The following ATP8A1 variants were observed in gnomAD, a reference collection of about 807,000 sequenced individuals.
ATP8A1 encodes the protein phospholipid-transporting ATPase IA.
In ATP8A1, 90 loss-of-function variants were observed where a neutral mutation model predicts 177.7. The observed-to-expected ratio is 0.51, with a 90% CI of 0.43 to 0.60. The LOEUF (loss-of-function observed/expected upper bound fraction) is 0.60, where lower values mean the gene tolerates loss of function less well. Among genes scored for constraint, ATP8A1 ranks in the 20% least tolerant of loss-of-function variants. The pLI is 0.00. For synonymous variants in ATP8A1, 493 were observed against 485.9 expected, an observed-to-expected ratio of 1.01 and a Z score of -0.19; for missense variants, 1,072 against 1,392.8, an observed-to-expected ratio of 0.77 and a Z score of 3.67.
In ATP8A1 at chr4:42,524,844, T is replaced by A. The variant is rs937405971; in HGVS notation, c.1726A>T (p.Thr576Ser). 15 of 1,600,432 alleles carry A rather than the reference T, an allele frequency of 9.4e-6. No homozygotes were observed. The highest frequency in any genetic ancestry group is 1.3e-5 in the African/African-American group (1 of 74,640). Residue 576 changes from threonine to serine, a missense_variant, in exon 21 of 37, where the codon ACT becomes TCT. Thr to Ser is a moderately conservative substitution (Grantham distance 58). Coordinates refer to ENST00000381668, the MANE Select transcript of ATP8A1 (RefSeq NM_006095.2). Reference protein sequence around the residue: ...KLRLYCKGADTVIYDRLAETS... With the variant: ...KLRLYCKGADSVIYDRLAETS... ...TCTGCCAGTCGATCATAAATTACAG[T>A]GTCCTGGAAAACAAACAGAGGGTAA...
chr4:42,485,456 C>G, intron 25 of ATP8A1, 40 bp downstream of exon 25: 1 of 1,541,548 alleles, frequency 6.5e-7, no homozygotes, highest in Non-Finnish European at 8.8e-7. Context: ...TAGATCAAGT[C>G]ATTCTTTACT....
intron 16 of ATP8A1, among the ~76,000 whole-genome samples, chr4:42,554,609 C>T (rs567033258): frequency 5.9e-5 from 9 of 152,174 alleles, no homozygotes; most frequent in Non-Finnish European, 2.9e-5. Flanking sequence ...TTGAGGGTAA[C>T]AATCATGAGT....
At position 42,626,925 on chromosome 4, in the gene ATP8A1, G is replaced by A. The variant is rs1738165674; in HGVS notation, c.164+70C>T. 7.5e-6 allele frequency: 9 copies of A among 1,194,618 alleles called. No individual in the cohort carries two copies. In the South Asian group the frequency reaches 1.1e-4, roughly 15 times the overall value. 74.0% of individuals were successfully genotyped at this position (1,194,618 alleles called of 1,614,324 possible). On this transcript the variant is annotated intron_variant, in intron 2 of 36. Transcript: ENST00000381668. ...TGACTGCACTGAAAGCTCTTTGCAA[G>A]CATTTTCATTTTGACCTAACCAGCT...
At chr4:42,560,866 A>G (rs1224735860) in intron 15 of ATP8A1, among the ~76,000 whole-genome samples, 1 of 152,112 alleles carries the variant, frequency 6.6e-6, no homozygotes, top group East Asian at 1.9e-4. Context: ...TTAAAAAACA[A>G]TTGCAAAAAC....
intron 22 of ATP8A1, among the ~76,000 whole-genome samples, 174 bp downstream of exon 22, chr4:42,521,986 T>C (rs1294944762): frequency 6.6e-6 from 1 of 152,204 alleles, no homozygotes; most frequent in Non-Finnish European, 1.5e-5. Context: ...CAAAGGCTTC[T>C]CAGCAATATT....
chr4:42,487,423 CA>C (rs1722304218), intron 24 of ATP8A1, among the ~76,000 whole-genome samples: 1 of 152,106 alleles, frequency 6.6e-6, no homozygotes, highest in Non-Finnish European at 1.5e-5. Context: ...GGTGAAGAAA[CA>C]CAACACTGGC....
intron 27 of ATP8A1, among the ~76,000 whole-genome samples, chr4:42,457,140 A>G (rs879617037): frequency 6.6e-6 from 1 of 152,226 alleles, no homozygotes; most frequent in African/African-American, 2.4e-5. Flanking sequence ...GCTTTGCTAC[A>G]CATATTTATG....
At chr4:42,460,304 G>A (rs113560587) in intron 27 of ATP8A1, among the ~76,000 whole-genome samples, 2 of 150,372 alleles carry the variant, frequency 1.3e-5, no homozygotes, top group South Asian at 2.1e-4. Context: ...AAGTGTCAAC[G>A]TACTGACTTT....
At chr4:42,424,267 G>A (rs1714326415) in intron 33 of ATP8A1, among the ~76,000 whole-genome samples, 1 of 150,788 alleles carries the variant, frequency 6.6e-6, no homozygotes, top group Non-Finnish European at 1.5e-5. Context: ...AGAGCCTTTT[G>A]GGTTGCAAAA....
At chr4:42,435,650 C>T (rs1010157044) in intron 33 of ATP8A1, among the ~76,000 whole-genome samples, 2 of 152,166 alleles carry the variant, frequency 1.3e-5, no homozygotes, top group South Asian at 2.1e-4. Flanking sequence ...CCTCACAGTG[C>T]TCTCTCCAGC....
At chr4:42,438,044 C>T (rs1445877512) in intron 33 of ATP8A1, among the ~76,000 whole-genome samples, 1 of 142,144 alleles carries the variant, frequency 7.0e-6, no homozygotes, top group Non-Finnish European at 1.6e-5. Flanking sequence ...CGATGGGTGG[C>T]ACTGATGCTA....
At chr4:42,533,859 C>T (rs575867462) in intron 20 of ATP8A1, among the ~76,000 whole-genome samples, 9 of 152,178 alleles carry the variant, frequency 5.9e-5, no homozygotes, top group East Asian at 1.9e-4. Flanking sequence ...TTTGTGCAGA[C>T]ACTCCCCAGG....
chr4:42,541,767 G>A (rs1728410629), intron 20 of ATP8A1, among the ~76,000 whole-genome samples: 1 of 152,136 alleles, frequency 6.6e-6, no homozygotes, highest in Admixed American at 6.5e-5. Context: ...GGCCAGTCCA[G>A]AAAGGCTATA....
At chr4:42,484,301 A>C (rs1437173493) in intron 25 of ATP8A1, among the ~76,000 whole-genome samples, 2 of 152,210 alleles carry the variant, frequency 1.3e-5, no homozygotes, top group Non-Finnish European at 2.9e-5. Context: ...TATATTGTCC[A>C]AGAACTTTAT....
At chr4:42,546,190 T>C (rs1474113614) in intron 19 of ATP8A1, among the ~76,000 whole-genome samples, 1 of 152,036 alleles carries the variant, frequency 6.6e-6, no homozygotes, top group African/African-American at 2.4e-5. Flanking sequence ...ATCTGCCTCT[T>C]CTCCTTCTGT....
At chr4:42,473,328 A>G (rs902695215) in intron 25 of ATP8A1, among the ~76,000 whole-genome samples, 4 of 152,166 alleles carry the variant, frequency 2.6e-5, no homozygotes, top group Non-Finnish European at 4.4e-5. Flanking sequence ...GACAGCCTAT[A>G]TGATAGTAGT....
At chr4:42,498,942 T>G (rs1186362374) in intron 24 of ATP8A1, among the ~76,000 whole-genome samples, 1 of 152,214 alleles carries the variant, frequency 6.6e-6, no homozygotes, top group Non-Finnish European at 1.5e-5. Context: ...AGATTCTTTA[T>G]CTGTAAAATG....
At chr4:42,489,049 A>C (rs538109730) in intron 24 of ATP8A1, among the ~76,000 whole-genome samples, 1 of 152,306 alleles carries the variant, frequency 6.6e-6, no homozygotes, top group South Asian at 2.1e-4. Context: ...AGAGACACAC[A>C]CAGAGAGAGG....
chr4:42,623,736 A>G (rs1218998075), intron 4 of ATP8A1, among the ~76,000 whole-genome samples: 1 of 152,144 alleles, frequency 6.6e-6, no homozygotes, highest in Non-Finnish European at 1.5e-5. Flanking sequence ...AGGAAAAATA[A>G]CTAAAAGTAA....
Sources: allele counts gnomAD v4.1 joint callset (sites outside exome capture counted in the v4.1 genomes callset), GRCh38; gene constraint gnomAD v4.1.1; transcripts MANE v1.5; gene names NCBI Gene and HGNC (gene_info 2026-07-23, HGNC 2026-07-21).